NCAM1: variants seen among roughly 807,000 people sequenced by gnomAD.
NCAM1 encodes the protein antigen recognized by monoclonal antibody 5.1H11.
NCAM1 carries 14 observed loss-of-function variants against 109.8 expected under a neutral mutation model. The ratio of observed to expected loss-of-function variants is 0.13; its 90% CI spans 0.08 to 0.20. The LOEUF (loss-of-function observed/expected upper bound fraction) is 0.20. Among genes scored for constraint, NCAM1 ranks in the 10% least tolerant of loss-of-function variants. The probability of loss-of-function intolerance (pLI) is 1.00; values close to 1 mark genes in which losing one functional copy is unlikely to be tolerated. For missense variants in NCAM1, 774 were observed against 1,109.9 expected (o/e 0.70, Z 4.30); for synonymous variants, 418 against 442.9 (o/e 0.94, Z 0.70).
intron 1 of NCAM1, among the ~76,000 whole-genome samples, chr11:113,011,941 CCTT>C (rs1952067747): frequency 1.3e-5 from 2 of 151,146 alleles, no homozygotes; most frequent in African/African-American, 2.4e-5. Context: ...TTCCTTCTCT[CCTT>C]CTCTCCTCTC....
At chr11:113,079,909 A>G (rs1395780064) in intron 1 of NCAM1, among the ~76,000 whole-genome samples, 1 of 152,164 alleles carries the variant, frequency 6.6e-6, no homozygotes, top group Non-Finnish European at 1.5e-5. Context: ...TTTTTCTTCA[A>G]AACGAATGGT....
In NCAM1 at chr11:112,968,154, G is replaced by A. The variant is rs190855587; in HGVS notation, c.52+6490G>A. ...ACCTCATAGAGGTTGTATGTGTAGT[G>A]CTTTGAAGATTAGAATCATATATTG... On this transcript the variant is annotated intron_variant, in intron 1 of 19. Transcript: ENST00000316851. Among the ~76,000 whole-genome samples, 26 of 152,286 alleles carry A rather than the reference G, an allele frequency of 1.7e-4. 1 individual carries two copies. Among genetic ancestry groups the A allele is most frequent in the African/African-American group, 5.8e-4 (24 of 41,558 alleles).
At chr11:113,140,489 C>T (rs1206936423) in intron 1 of NCAM1, among the ~76,000 whole-genome samples, 3 of 152,190 alleles carry the variant, frequency 2.0e-5, no homozygotes, top group African/African-American at 7.2e-5. Context: ...TTGTTAGCTG[C>T]TGCACATAGT....
chr11:113,257,522 G>A (rs782494316), intron 16 of NCAM1, among the ~76,000 whole-genome samples: 1 of 152,174 alleles, frequency 6.6e-6, no homozygotes, highest in Non-Finnish European at 1.5e-5. Flanking sequence ...TAAGAGGCAG[G>A]CTCAGGCTGG....
chr11:113,069,402 C>T (rs1170562399), intron 1 of NCAM1, among the ~76,000 whole-genome samples: 4 of 152,106 alleles, frequency 2.6e-5, no homozygotes, highest in East Asian at 1.9e-4. Flanking sequence ...CAGACCATGA[C>T]GAAGCCTCAG....
chr11:113,101,578 T>C lies in NCAM1; in HGVS notation c.53-100801T>C, dbSNP rs539489260. Among the ~76,000 whole-genome samples, 167 of 131,738 alleles carry C rather than the reference T, an allele frequency of 1.3e-3. 1 individual carries two copies. The highest frequency in any genetic ancestry group is 0.011 in the South Asian group (43 of 4,064). The allele number at this position is 131,738 out of a possible 152,430, so 86.4% of individuals were successfully genotyped here. ...TGCTTTCTGATTATCTAATTTCTCC[T>C]CTTTGACTGGATTTATGCTCATTGA... On this transcript the variant is annotated intron_variant, in intron 1 of 19. Coordinates refer to ENST00000316851, the MANE Select transcript of NCAM1 (RefSeq NM_181351.5).
chr11:112,965,517 A>G (rs970237773), intron 1 of NCAM1, among the ~76,000 whole-genome samples: 6 of 152,220 alleles, frequency 3.9e-5, no homozygotes, highest in Non-Finnish European at 8.8e-5. Context: ...AGTAAACAGC[A>G]CCATTTTGTC....
intron 1 of NCAM1, among the ~76,000 whole-genome samples, chr11:112,976,672 C>T (rs1474450479): frequency 1.3e-5 from 2 of 151,798 alleles, no homozygotes; most frequent in Admixed American, 6.6e-5. Flanking sequence ...TTGTCTGTTT[C>T]GAGTCATGTA....
intron 3 of NCAM1, among the ~76,000 whole-genome samples, chr11:113,204,871 A>G (rs1555112585): frequency 1.3e-5 from 2 of 151,922 alleles, no homozygotes; most frequent in Non-Finnish European, 2.9e-5. Context: ...GGGGTGGGGG[A>G]TCATTATCTG....
At chr11:113,258,241 G>A (rs1158809605) in intron 16 of NCAM1, among the ~76,000 whole-genome samples, 1 of 152,246 alleles carries the variant, frequency 6.6e-6, no homozygotes, top group Non-Finnish European at 1.5e-5. Context: ...GAGATGGGCT[G>A]TGCAATGGTG....
At chr11:112,989,466 T>C (rs977087215) in intron 1 of NCAM1, among the ~76,000 whole-genome samples, 2 of 152,302 alleles carry the variant, frequency 1.3e-5, no homozygotes, top group East Asian at 3.9e-4. Context: ...TTCTTTTTTA[T>C]TTTATGTTTC....
chr11:112,971,105 ATATT>A (rs1950866910), intron 1 of NCAM1, among the ~76,000 whole-genome samples: 1 of 152,080 alleles, frequency 6.6e-6, no homozygotes, highest in Admixed American at 6.5e-5. Flanking sequence ...GCTTCCATAT[ATATT>A]AAGAAAGAAG....
In NCAM1 at chr11:113,231,772, A is replaced by T. The variant is rs782602343; in HGVS notation, c.1217A>T (p.Gln406Leu). 2.3e-5 allele frequency: 37 copies of T among 1,613,880 alleles called. No individual in the cohort carries two copies. Among genetic ancestry groups the T allele is most frequent in the Non-Finnish European group, 2.9e-5 (34 of 1,179,898 alleles). ...AGCAACACCATCGGCCAGGACTCCC[A>T]GTCCATGTACCTTGAAGTGCAATGT... The part of the protein sequence containing the change: ...TASNTIGQDS[Q>L]SMYLEVQYAP... The change falls in exon 10 of 20, where the codon CAG (glutamine) becomes CTG (leucine). Residue 406 changes from glutamine to leucine, a missense_variant. Transcript: ENST00000316851.
At chr11:113,131,547 G>GGT (rs1339893392) in intron 1 of NCAM1, among the ~76,000 whole-genome samples, 20 of 152,182 alleles carry the variant, frequency 1.3e-4, no homozygotes, top group Non-Finnish European at 1.5e-4. Context: ...CCTTGCAAGG[G>GGT]GTATGTAAGT....
intron 1 of NCAM1, among the ~76,000 whole-genome samples, chr11:113,120,804 C>T (rs1940923307): frequency 6.6e-6 from 1 of 152,178 alleles, no homozygotes; most frequent in African/African-American, 2.4e-5. Flanking sequence ...AGGGTTGATA[C>T]TTAAATCCCT....
intron 1 of NCAM1, among the ~76,000 whole-genome samples, chr11:113,181,536 C>A (rs1238462505): frequency 6.6e-6 from 1 of 152,030 alleles, no homozygotes; most frequent in Non-Finnish European, 1.5e-5. Flanking sequence ...GACTGGGGGA[C>A]GGAGAGCATC....
chr11:112,985,050 G>A (rs782005696), intron 1 of NCAM1, among the ~76,000 whole-genome samples: 5 of 151,520 alleles, frequency 3.3e-5, no homozygotes, highest in Non-Finnish European at 7.4e-5. Flanking sequence ...ATTTTGAGTT[G>A]ATTTTTGTGT....
At chr11:112,986,380 T>C (rs1056584634) in intron 1 of NCAM1, among the ~76,000 whole-genome samples, 2 of 152,044 alleles carry the variant, frequency 1.3e-5, no homozygotes, top group Non-Finnish European at 1.5e-5. Flanking sequence ...TCTTTTCTTG[T>C]AGTGTCCTTG....
chr11:113,208,315 C>T (rs1236704019), intron 7 of NCAM1, among the ~76,000 whole-genome samples: 1 of 152,154 alleles, frequency 6.6e-6, no homozygotes, highest in Non-Finnish European at 1.5e-5. Flanking sequence ...CTATGGCAAC[C>T]AGAATAAAAT....
Sources: allele counts gnomAD v4.1 joint callset (sites outside exome capture counted in the v4.1 genomes callset), GRCh38; gene constraint gnomAD v4.1.1; transcripts MANE v1.5; gene names NCBI Gene and HGNC (gene_info 2026-07-23, HGNC 2026-07-21).